The following SEMA5A variants were observed in gnomAD, a reference collection of about 807,000 sequenced individuals.
SEMA5A encodes the protein semaphorin 5A.
Under a neutral mutation model 135.5 loss-of-function variants are expected in SEMA5A, and 55 were observed. The ratio of observed to expected loss-of-function variants is 0.41; its 90% CI spans 0.33 to 0.51. The LOEUF is 0.51. Among genes scored for constraint, SEMA5A ranks in the 20% least tolerant of loss-of-function variants. The pLI, the probability that SEMA5A is intolerant of heterozygous loss-of-function variation, is 0.37. For missense variants in SEMA5A, 1,290 were observed against 1,419.9 expected (o/e 0.91, Z 1.47); for synonymous variants, 580 against 546.5 (o/e 1.06, Z -0.85).
At chr5:9,226,057 G>A (rs533809462) in intron 7 of SEMA5A, among the ~76,000 whole-genome samples, 2 of 152,232 alleles carry the variant, frequency 1.3e-5, no homozygotes, top group South Asian at 2.1e-4. Context: ...TGGTGAAAGC[G>A]CCCAGGGCAG....
chr5:9,315,892 A>T (rs1418190361), intron 5 of SEMA5A, among the ~76,000 whole-genome samples: 1 of 152,162 alleles, frequency 6.6e-6, no homozygotes, highest in Non-Finnish European at 1.5e-5. Flanking sequence ...ATAGGTAAGT[A>T]CTTTAAGACT....
chr5:9,154,615 G>A lies in SEMA5A; in HGVS notation c.1354C>T (p.Pro452Ser). Residue 452 changes from proline (P) to serine (S), a missense_variant, in exon 12 of 23, where the codon CCT (proline) becomes TCT (serine). By Grantham distance (74) the Pro-to-Ser change is moderately conservative. Around this residue, in one of 3 missense-constraint regions of SEMA5A, gnomAD observed 1,029 missense variants for 1,086.6 expected, o/e 0.95. Coordinates refer to ENST00000382496, the MANE Select transcript of SEMA5A (RefSeq NM_003966.3). ...SCLLEEIELFPERRREPIRSL... is the reference protein window; with the variant it reads ...SCLLEEIELFSERRREPIRSL... ...CTGATGGGCTCCCTCCGCCTCTCAG[G>A]GAAGAGCTCAATCTCTTCCAGCAAA... 1.9e-6 allele frequency: 3 copies of A among 1,614,104 alleles called. No individual in the cohort carries two copies. Among genetic ancestry groups the A allele is most frequent in the Non-Finnish European group, 2.5e-6 (3 of 1,180,010 alleles).
At chr5:9,115,091 G>A (rs571444239) in intron 15 of SEMA5A, among the ~76,000 whole-genome samples, 20 of 152,294 alleles carry the variant, frequency 1.3e-4, no homozygotes, top group Admixed American at 1.1e-3. Flanking sequence ...CTTTTGTTTA[G>A]TGGAGTAACC....
Position 9,457,334 on chromosome 5 carries a change from G to C in SEMA5A, c.-174-19482C>G, listed in dbSNP as rs1034196941. ...CACCAATTTCTACCTGTGCAGAGTG[G>C]ATATGTATTTCTGTTGTTTTTTGTT... On this transcript the variant is annotated intron_variant, in intron 1 of 22. Transcript: ENST00000382496. Among the ~76,000 whole-genome samples the C allele has an allele frequency of 6.6e-5, 10 of 152,282 alleles. No homozygotes were observed. The East Asian group carries it at 7.7e-4, about 12-fold the overall frequency.
chr5:9,095,947 T>G (rs770830158), intron 16 of SEMA5A, among the ~76,000 whole-genome samples: 13 of 152,244 alleles, frequency 8.5e-5, no homozygotes, highest in Non-Finnish European at 1.5e-4. Context: ...TTATATTGCG[T>G]ATTGCAAATA....
At chr5:9,291,822 T>C (rs1264960469) in intron 5 of SEMA5A, among the ~76,000 whole-genome samples, 4 of 151,352 alleles carry the variant, frequency 2.6e-5, no homozygotes, top group African/African-American at 9.7e-5. Flanking sequence ...ATCAACAAAA[T>C]TGTGAGCAAA....
At chr5:9,527,090 A>G (rs1055805711) in intron 1 of SEMA5A, among the ~76,000 whole-genome samples, 5 of 152,180 alleles carry the variant, frequency 3.3e-5, no homozygotes, top group African/African-American at 1.2e-4. Context: ...GGGATAGTGC[A>G]GCGACAGGGC....
chr5:9,340,727 G>A (rs1224946123), intron 3 of SEMA5A, among the ~76,000 whole-genome samples: 2 of 152,128 alleles, frequency 1.3e-5, no homozygotes, highest in African/African-American at 4.8e-5. Flanking sequence ...GATCAAAGTT[G>A]AGTAATCTGC....
intron 3 of SEMA5A, among the ~76,000 whole-genome samples, chr5:9,362,726 C>G (rs1754751961): frequency 1.3e-5 from 2 of 152,186 alleles, no homozygotes; most frequent in Admixed American, 6.5e-5. Context: ...ACCCAGCCCA[C>G]ACACTTCCCA....
At position 9,380,280 on chromosome 5, in the gene SEMA5A, C is replaced by T. The variant is rs6878301; in HGVS notation, c.-77-257G>A. The T allele has an allele frequency of 5.2e-3, 1,176 of 227,332 alleles. 11 individuals are homozygous for T. Among genetic ancestry groups the T allele is most frequent in the African/African-American group, 0.024 (1,092 of 44,818 alleles). 14.1% of individuals were successfully genotyped at this position (227,332 alleles called of 1,614,324 possible). ...CATGACATAGCCCATTTGTTTTAAA[C>T]GAGAAATGCTCAAGCTTAAGCTGTA... On this transcript the variant is annotated intron_variant, in intron 2 of 22. Coordinates refer to ENST00000382496, the MANE Select transcript of SEMA5A (RefSeq NM_003966.3).
intron 5 of SEMA5A, among the ~76,000 whole-genome samples, chr5:9,298,829 T>C (rs1052980978): frequency 6.6e-6 from 1 of 152,168 alleles, no homozygotes; most frequent in Non-Finnish European, 1.5e-5. Context: ...AAGGTAATCG[T>C]CAAACATTTT....
Position 9,102,103 on chromosome 5 carries a change from T to C in SEMA5A, c.2073+6037A>G, listed in dbSNP as rs544775016. On this transcript the variant is annotated intron_variant, in intron 16 of 22. Transcript: ENST00000382496. ...TCTCTAGAAAGCCACGGTTCAAAAATGAGGAAACACCAAATATGAATACAA... is the reference window on the plus strand; with the variant it reads ...TCTCTAGAAAGCCACGGTTCAAAAACGAGGAAACACCAAATATGAATACAA... 5.9e-5 allele frequency among the ~76,000 whole-genome samples: 9 copies of C among 152,240 alleles called. No individual in the cohort carries two copies. In the South Asian group the frequency reaches 1.9e-3, roughly 32 times the overall value.
chr5:9,459,907 C>T (rs1758992487), intron 1 of SEMA5A, among the ~76,000 whole-genome samples: 1 of 152,070 alleles, frequency 6.6e-6, no homozygotes, highest in Non-Finnish European at 1.5e-5. Context: ...TTAATTACAG[C>T]ACAAAATCAG....
At chr5:9,136,468 C>A (rs942212908) in intron 13 of SEMA5A, 36 bp downstream of exon 13, 3 of 1,544,028 alleles carry the variant, frequency 1.9e-6, no homozygotes, top group Non-Finnish European at 2.7e-6. Flanking sequence ...CTCCCATGGG[C>A]AGCATTTTCA....
Position 9,044,517 on chromosome 5 carries a change from C to T in SEMA5A, c.2961G>A (p.Leu987=). ...SSSILGCLLT[L]LVYTYCQRYQ... ...ACCGCTGGCAGTAAGTATAGACGAG[C>T]AGGGTGAGGAGGCAGCCGAGGATGG... is the stretch of plus-strand genomic sequence containing the variant. Residue 987 remains leucine, a synonymous_variant, in exon 22 of 23, where the codon CTG becomes CTA. Transcript: ENST00000382496. 6.2e-7 allele frequency: 1 copy of T among 1,613,964 alleles called. No individual in the cohort carries two copies. Among genetic ancestry groups the T allele is most frequent in the Non-Finnish European group, 8.5e-7 (1 of 1,180,012 alleles).
intron 1 of SEMA5A, among the ~76,000 whole-genome samples, chr5:9,500,296 T>C (rs1368818158): frequency 6.6e-6 from 1 of 152,200 alleles, no homozygotes; most frequent in Non-Finnish European, 1.5e-5. Flanking sequence ...TACATATTGA[T>C]CCTGATGGTG....
chr5:9,328,060 C>T (rs72727247), intron 4 of SEMA5A, among the ~76,000 whole-genome samples: 4,647 of 152,154 alleles, frequency 0.031, 103 homozygotes, highest in Non-Finnish European at 0.048. Context: ...TCTCATGTAT[C>T]TTCTAATAAT....
At chr5:9,119,646 T>C (rs927537616) in intron 14 of SEMA5A, among the ~76,000 whole-genome samples, 1 of 152,194 alleles carries the variant, frequency 6.6e-6, no homozygotes, top group Non-Finnish European at 1.5e-5. Context: ...ACTTTCCTGA[T>C]AGCATCAAAT....
At chr5:9,349,859 G>A (rs571200345) in intron 3 of SEMA5A, among the ~76,000 whole-genome samples, 4 of 151,994 alleles carry the variant, frequency 2.6e-5, no homozygotes, top group Admixed American at 6.6e-5. Context: ...CCGAGATTGC[G>A]CCACTGCACT....
Sources: gnomAD v4.1 joint callset for allele counts (sites outside exome capture counted in the v4.1 genomes callset) on GRCh38, gnomAD v4.1.1 for gene constraint, gnomAD v4.1.1 regional missense constraint, MANE v1.5 for transcripts, NCBI Gene and HGNC (gene_info 2026-07-23, HGNC 2026-07-21) for gene names.